Variants in HDGFL2 observed in about 807,000 individuals in gnomAD.
HDGFL2 encodes the protein hepatoma-derived growth factor-related protein 2.
In HDGFL2, 36 loss-of-function variants were observed where a neutral mutation model predicts 77.1. That is an observed-to-expected ratio of 0.47 (90% CI 0.36 to 0.62). HDGFL2 has a LOEUF of 0.62. HDGFL2 is among the 20% of genes least tolerant of loss of function. The pLI is 0.00. For synonymous variants in HDGFL2, 463 were observed against 413.1 expected (o/e 1.12, Z -1.46); for missense variants, 976 against 973.4 (o/e 1.00, Z -0.04).
intron 3 of HDGFL2, among the ~76,000 whole-genome samples, chr19:4,476,465 T>G (rs929334861): frequency 1.2e-3 from 175 of 151,726 alleles, no homozygotes; most frequent in Non-Finnish European, 1.8e-4. Context: ...AGTGTTGGGG[T>G]TGCAGGGGTG....
chr19:4,487,719 C>T (rs1475815024), intron 3 of HDGFL2, among the ~76,000 whole-genome samples: 2 of 152,194 alleles, frequency 1.3e-5, no homozygotes, highest in East Asian at 1.9e-4. Flanking sequence ...TTGATGCCCC[C>T]GGCCCAGTGC....
chr19:4,500,858 C>T (rs867953473), intron 14 of HDGFL2, among the ~76,000 whole-genome samples: 12 of 152,308 alleles, frequency 7.9e-5, no homozygotes, highest in Middle Eastern at 3.4e-3. Flanking sequence ...CCTCACGTCT[C>T]GGCCTCCCAC....
In HDGFL2 at chr19:4,476,118, C is replaced by T. The variant is rs557101569; in HGVS notation, c.288+535C>T. ...TGTTAGCCAGGATGGTCTCAATCTC[C>T]TGACTTCGTGATCCACCCGCCTCAG... On this transcript the variant is annotated intron_variant, in intron 3 of 15. Transcript: ENST00000616600. 6.0e-5 allele frequency among the ~76,000 whole-genome samples: 9 copies of T among 150,682 alleles called. No homozygotes were observed. The East Asian group carries it at 1.7e-3, about 29-fold the overall frequency.
intron 4 of HDGFL2, among the ~76,000 whole-genome samples, chr19:4,491,200 C>A (rs1806288611): frequency 1.3e-5 from 2 of 150,462 alleles, no homozygotes; most frequent in Admixed American, 1.3e-4. Context: ...CCAGAACTTT[C>A]TCGTCTTCCC....
chr19:4,492,180 TTGTG>T (rs376309281), intron 6 of HDGFL2, among the ~76,000 whole-genome samples: 5 of 151,858 alleles, frequency 3.3e-5, no homozygotes, highest in East Asian at 1.9e-4. Context: ...TATGAGCGGA[TTGTG>T]TGTGTGTGTT....
rs1203587039 is a variant in HDGFL2 at position 4,488,492 on chromosome 19, C to G, written c.289-184C>G. ...TAGTGCCCACCATACACGAATCCATCTCACTCTCCTGCCTTCGTTCTTCGG... is the reference window on the plus strand; with the variant it reads ...TAGTGCCCACCATACACGAATCCATGTCACTCTCCTGCCTTCGTTCTTCGG... On this transcript the variant is annotated intron_variant, in intron 3 of 15. Coordinates refer to ENST00000616600, the MANE Select transcript of HDGFL2 (RefSeq NM_001001520.3). 2.0e-5 allele frequency among the ~76,000 whole-genome samples: 3 copies of G among 152,332 alleles called. 1 individual carries two copies. In the Middle Eastern group the frequency reaches 0.01, roughly 518 times the overall value.
At chr19:4,492,442 A>G (rs1354114926) in intron 6 of HDGFL2, among the ~76,000 whole-genome samples, 2 of 150,012 alleles carry the variant, frequency 1.3e-5, no homozygotes, top group African/African-American at 2.5e-5. Context: ...CTGTGTTCCT[A>G]TGTGAGTATA....
At chr19:4,475,858 C>T (rs1490956305) in intron 3 of HDGFL2, among the ~76,000 whole-genome samples, 4 of 150,372 alleles carry the variant, frequency 2.7e-5, no homozygotes, top group Non-Finnish European at 4.4e-5. Flanking sequence ...TCAGCCCTGG[C>T]GAGAACCCCT....
chr19:4,478,402 A>G (rs909559375), intron 3 of HDGFL2, among the ~76,000 whole-genome samples: 2 of 151,814 alleles, frequency 1.3e-5, no homozygotes, highest in African/African-American at 4.8e-5. Flanking sequence ...ATGTTTCACC[A>G]TGTTGGTCAG....
chr19:4,476,436 A>G (rs1045563818), intron 3 of HDGFL2, among the ~76,000 whole-genome samples: 2 of 151,270 alleles, frequency 1.3e-5, no homozygotes, highest in Admixed American at 1.3e-4. Flanking sequence ...CAGATGATCC[A>G]CCCGCCTCGG....
Position 4,501,195 on chromosome 19 carries a change from C to T in HDGFL2, c.1794C>T (p.Leu598=), listed in dbSNP as rs1305036397. ...TGACCCCTCTGTCCCACCCAGATCT[C>T]TCAGCCCCAGTGAATGGCGAGGCCA... ...EKAEDKPSTD[L]SAPVNGEATS... is the part of the protein sequence containing the mutation. The change falls in exon 15 of 16, where the codon CTC becomes CTT. Residue 598 remains leucine, a synonymous_variant. Transcript: ENST00000616600. The T allele has an allele frequency of 1.9e-6, 3 of 1,613,330 alleles. No individual in the cohort carries two copies. The South Asian group carries it at 3.3e-5, about 18-fold the overall frequency.
At chr19:4,496,479 A>G in intron 10 of HDGFL2, 74 bp downstream of exon 10, 1 of 1,132,726 alleles carries the variant, frequency 8.8e-7, no homozygotes, top group Non-Finnish European at 1.3e-6. Flanking sequence ...CACCCCTCAC[A>G]GGGGCAGCCC....
chr19:4,477,910 T>C (rs1273497703), intron 3 of HDGFL2, among the ~76,000 whole-genome samples: 1 of 151,856 alleles, frequency 6.6e-6, no homozygotes, highest in Non-Finnish European at 1.5e-5. Context: ...TGAAACCCAG[T>C]ATCTACTAAA....
In HDGFL2 at chr19:4,498,172, A is replaced by C. The variant is rs1975759252; in HGVS notation, c.1403-134A>C. 9.7e-6 allele frequency: 11 copies of C among 1,137,354 alleles called. No individual in the cohort carries two copies. In the South Asian group the frequency reaches 1.4e-4, roughly 14 times the overall value. The allele number at this position is 1,137,354 out of a possible 1,614,324, so 70.5% of individuals were successfully genotyped here. On this transcript the variant is annotated intron_variant, in intron 11 of 15. Coordinates refer to ENST00000616600, the MANE Select transcript of HDGFL2 (RefSeq NM_001001520.3). ...GGCCGGCCTGGCCGGCGGTGCCTCCAGGGGTGGGGGCTGAGCCTGCAGACC... is the reference window on the plus strand; with the variant it reads ...GGCCGGCCTGGCCGGCGGTGCCTCCCGGGGTGGGGGCTGAGCCTGCAGACC...
At chr19:4,484,667 T>C in intron 3 of HDGFL2, among the ~76,000 whole-genome samples, 1 of 34,040 alleles carries the variant, frequency 2.9e-5, no homozygotes. Flanking sequence ...GCCTGGCTAA[T>C]TTTTTTTTTT....
rs767537629 is a variant in HDGFL2 at position 4,499,482 on chromosome 19, G to C, written c.1576-9G>C. On this transcript the variant is annotated splice_polypyrimidine_tract_variant and intron_variant, in intron 13 of 15. Transcript: ENST00000616600. The stretch of plus-strand genomic sequence containing the variant: ...TTGGGTGAGCCAGGCCTCTTCTCTT[G>C]GTGGCCAGATTCGCCGTTACAAAGC... The C allele has an allele frequency of 6.2e-7, 1 of 1,611,270 alleles. No individual in the cohort carries two copies.
chr19:4,493,619 G>T, intron 6 of HDGFL2, 84 bp from the exon 7 acceptor site: 3 of 1,320,708 alleles, frequency 2.3e-6, no homozygotes, highest in Non-Finnish European at 2.9e-6. Flanking sequence ...GGCTGCAGGG[G>T]TGCGGGAGCC....
At chr19:4,497,739 A>C in intron 10 of HDGFL2, 2 of 557,802 alleles carry the variant, frequency 3.6e-6, no homozygotes, top group South Asian at 4.7e-5. Flanking sequence ...AACTCGGGAA[A>C]AGGCTTGTAT....
intron 3 of HDGFL2, among the ~76,000 whole-genome samples, chr19:4,478,233 C>T (rs1307846225): frequency 6.7e-5 from 10 of 148,646 alleles, no homozygotes; most frequent in Non-Finnish European, 1.2e-4. Flanking sequence ...GATGGAGTCT[C>T]GCTCTGTCGC....
Sources: allele counts gnomAD v4.1 joint callset (sites outside exome capture counted in the v4.1 genomes callset), GRCh38; gene constraint gnomAD v4.1.1; transcripts MANE v1.5; gene names NCBI Gene and HGNC (gene_info 2026-07-23, HGNC 2026-07-21).